Variants in NAALADL2 observed in about 807,000 individuals in gnomAD.
NAALADL2 encodes inactive N-acetylated-alpha-linked acidic dipeptidase-like protein 2.
NAALADL2 carries 76 observed loss-of-function variants against 87.2 expected under a neutral mutation model. That is an observed-to-expected ratio of 0.87 (90% CI 0.72 to 1.05). The LOEUF (loss-of-function observed/expected upper bound fraction) is 1.05. NAALADL2 is among the 50% of genes least tolerant of loss of function. NAALADL2 has a pLI of 0.00. For synonymous variants in NAALADL2, 354 were observed against 331.0 expected (o/e 1.07, Z -0.75); for missense variants, 1,089 against 945.8 (o/e 1.15, Z -1.99).
intron 1 of NAALADL2, among the ~76,000 whole-genome samples, chr3:174,983,620 G>A (rs111347806): frequency 6.6e-6 from 1 of 152,072 alleles, no homozygotes; most frequent in African/African-American, 2.4e-5. Flanking sequence ...ATGGTGGAAG[G>A]GGCAGGCCAG....
intron 3 of NAALADL2, among the ~76,000 whole-genome samples, chr3:175,253,372 T>A (rs1279820230): frequency 6.6e-6 from 1 of 152,166 alleles, no homozygotes. Flanking sequence ...CATGGACTAC[T>A]GAATAACAAT....
At chr3:175,630,782 T>C (rs1275125122) in intron 11 of NAALADL2, among the ~76,000 whole-genome samples, 1 of 151,552 alleles carries the variant, frequency 6.6e-6, no homozygotes, top group East Asian at 1.9e-4. Flanking sequence ...ATAAATAACA[T>C]TCAGTTTTGA....
chr3:174,944,954 C>T (rs574830530), intron 1 of NAALADL2, among the ~76,000 whole-genome samples: 38 of 152,218 alleles, frequency 2.5e-4, no homozygotes, highest in African/African-American at 8.4e-4. Context: ...TTGATGAGTA[C>T]TGGATGTTTC....
intron 10 of NAALADL2, among the ~76,000 whole-genome samples, chr3:175,621,583 G>A (rs1726239613): frequency 6.6e-6 from 1 of 152,110 alleles, no homozygotes; most frequent in African/African-American, 2.4e-5. Flanking sequence ...ATTTCTGCAA[G>A]TTCTGCATCC....
chr3:175,607,755 G>A (rs1445140332), intron 10 of NAALADL2, among the ~76,000 whole-genome samples: 1 of 152,092 alleles, frequency 6.6e-6, no homozygotes, highest in Non-Finnish European at 1.5e-5. Flanking sequence ...TTGTGAAAAT[G>A]TATCTTTTAA....
At chr3:175,400,845 A>G (rs1418370609) in intron 5 of NAALADL2, among the ~76,000 whole-genome samples, 1 of 152,096 alleles carries the variant, frequency 6.6e-6, no homozygotes, top group Non-Finnish European at 1.5e-5. Flanking sequence ...ATGTCTCCCA[A>G]CAGAACTCTC....
chr3:174,669,483 T>C (rs879526002), intron 2 of NAALADL2, among the ~76,000 whole-genome samples: 4 of 152,118 alleles, frequency 2.6e-5, no homozygotes, highest in Admixed American at 2.0e-4. Flanking sequence ...CCCAGCACCA[T>C]TTGTTGAAGA....
rs187052925 is a variant in NAALADL2, at chr3:175,499,842, A to G, written c.1653+28084A>G. Reference sequence around the variant, plus strand: ...TCTACTTGTAGGAAGCCTGCTATGTATTTTCTTTATTATAAATAGATAAAA... The same window carrying G: ...TCTACTTGTAGGAAGCCTGCTATGTGTTTTCTTTATTATAAATAGATAAAA... On this transcript the variant is annotated intron_variant, in intron 9 of 13. Transcript: ENST00000454872. Among the ~76,000 whole-genome samples the G allele has an allele frequency of 3.0e-3, 463 of 152,122 alleles. 3 individuals carry two copies. Among genetic ancestry groups the G allele is most frequent in the African/African-American group, 0.01 (436 of 41,532 alleles).
At chr3:174,660,968 A>G (rs781722668) in intron 2 of NAALADL2, among the ~76,000 whole-genome samples, 22 of 152,162 alleles carry the variant, frequency 1.4e-4, no homozygotes, top group Non-Finnish European at 3.2e-4. Context: ...CCATAGTGAA[A>G]CACTTATGTA....
intron 3 of NAALADL2, among the ~76,000 whole-genome samples, chr3:174,779,865 G>T (rs1234212568): frequency 6.6e-6 from 1 of 152,096 alleles, no homozygotes; most frequent in Non-Finnish European, 1.5e-5. Flanking sequence ...ATGCTGTTTT[G>T]GTTACTGTAG....
rs1185379127 is a variant in NAALADL2, at chr3:175,599,577, A to G, written c.1800+23390A>G. On this transcript the variant is annotated intron_variant, in intron 10 of 13. Coordinates refer to ENST00000454872, the MANE Select transcript of NAALADL2 (RefSeq NM_207015.3). The stretch of plus-strand genomic sequence containing the variant: ...CCAAGTCCCCCAAGTTCTTTCTCCA[A>G]CTCTAAGTTATATTCTATTTGTGTT... Among the ~76,000 whole-genome samples, 5 of 151,608 alleles carry G rather than the reference A, an allele frequency of 3.3e-5. No individual in the cohort carries two copies. In the East Asian group the frequency reaches 9.7e-4, roughly 29 times the overall value.
chr3:174,748,882 T>C (rs78605709), intron 3 of NAALADL2, among the ~76,000 whole-genome samples: 2,099 of 152,294 alleles, frequency 0.014, 14 homozygotes, highest in Middle Eastern at 0.02. Context: ...AACCTCTGAA[T>C]TGGTAAATGT....
chr3:174,493,847 G>A (rs1718358898), intron 1 of NAALADL2, among the ~76,000 whole-genome samples: 1 of 152,186 alleles, frequency 6.6e-6, no homozygotes, highest in African/African-American at 2.4e-5. Flanking sequence ...CCCTTGAAGA[G>A]ATCAGATTCT....
At chr3:175,361,904 G>C (rs1327746359) in intron 5 of NAALADL2, among the ~76,000 whole-genome samples, 1 of 147,864 alleles carries the variant, frequency 6.8e-6, no homozygotes, top group Non-Finnish European at 1.5e-5. Context: ...GGCTTTTGTT[G>C]CCATTGCTTT....
intron 9 of NAALADL2, among the ~76,000 whole-genome samples, chr3:175,497,607 A>G (rs925235176): frequency 5.9e-5 from 9 of 152,158 alleles, no homozygotes; most frequent in Non-Finnish European, 1.3e-4. Context: ...GACAATAGAT[A>G]GATTAGCCAA....
rs190690539 is a variant in NAALADL2, at chr3:175,496,329, A to G, written c.1653+24571A>G. 9.8e-4 allele frequency among the ~76,000 whole-genome samples: 149 copies of G among 152,030 alleles called. No individual in the cohort carries two copies. In the East Asian group the frequency reaches 0.021, roughly 22 times the overall value. ...TGTGATTTATCATGTCTTTTAATTT[A>G]TATTCTATTATATCTTTAAAAGTTA... On this transcript the variant is annotated intron_variant, in intron 9 of 13. Coordinates refer to ENST00000454872, the MANE Select transcript of NAALADL2 (RefSeq NM_207015.3).
At chr3:175,512,196 C>G (rs1731250702) in intron 9 of NAALADL2, among the ~76,000 whole-genome samples, 1 of 152,046 alleles carries the variant, frequency 6.6e-6, no homozygotes, top group South Asian at 2.1e-4. Context: ...TGTGATCCCA[C>G]TACTATACTC....
intron 2 of NAALADL2, among the ~76,000 whole-genome samples, chr3:175,232,287 A>C (rs1340093094): frequency 6.6e-6 from 1 of 152,122 alleles, no homozygotes; most frequent in African/African-American, 2.4e-5. Flanking sequence ...GGAAGAAAGC[A>C]TGAATAGGAG....
intron 5 of NAALADL2, among the ~76,000 whole-genome samples, chr3:175,428,576 A>T (rs1717217997): frequency 6.6e-6 from 1 of 151,382 alleles, no homozygotes; most frequent in Admixed American, 6.6e-5. Context: ...AGTTTACTAG[A>T]CTCCTGCTTC....
Sources: gnomAD v4.1 joint callset for allele counts (sites outside exome capture counted in the v4.1 genomes callset) on GRCh38, gnomAD v4.1.1 for gene constraint, MANE v1.5 for transcripts, NCBI Gene and HGNC (gene_info 2026-07-23, HGNC 2026-07-21) for gene names.